MAGI3: variants seen among roughly 807,000 people sequenced by gnomAD.
MAGI3 encodes the protein membrane associated guanylate kinase, WW and PDZ domain containing 3.
Under a neutral mutation model 121.8 loss-of-function variants are expected in MAGI3, and 43 were observed. The observed-to-expected ratio is 0.35, with a 90% CI of 0.28 to 0.46. The LOEUF (loss-of-function observed/expected upper bound fraction) is 0.46, where lower values mean the gene tolerates loss of function less well. MAGI3 is among the 20% of genes least tolerant of loss of function. The pLI is 1.00. For missense variants in MAGI3, 1,547 were observed against 1,797.3 expected, an observed-to-expected ratio of 0.86 and a Z score of 2.52; for synonymous variants, 553 against 639.3, an observed-to-expected ratio of 0.86 and a Z score of 2.04.
chr1:113,490,720 G>A (rs1444866855), intron 1 of MAGI3, among the ~76,000 whole-genome samples: 5 of 152,164 alleles, frequency 3.3e-5, no homozygotes, highest in South Asian at 2.1e-4. Context: ...AGCAGGGGTT[G>A]CAATCCTAGT....
chr1:113,452,241 TGTTTAG>T (rs1199682863), intron 1 of MAGI3, among the ~76,000 whole-genome samples: 1 of 152,132 alleles, frequency 6.6e-6, no homozygotes, highest in Non-Finnish European at 1.5e-5. Flanking sequence ...TAAGGTCTTC[TGTTTAG>T]GATTAAGGTT....
chr1:113,520,379 A>G (rs1172871685), intron 1 of MAGI3, among the ~76,000 whole-genome samples: 1 of 152,174 alleles, frequency 6.6e-6, no homozygotes, highest in Non-Finnish European at 1.5e-5. Context: ...GATTCCTGCC[A>G]TGAAGAAGCC....
At chr1:113,682,663 G>A in intron 20 of MAGI3, 3 of 976,752 alleles carry the variant, frequency 3.1e-6, no homozygotes, top group Non-Finnish European at 3.6e-6. Flanking sequence ...ATATGTAATT[G>A]GAAAAAATGA....
chr1:113,476,773 T>C (rs776030163), intron 1 of MAGI3, among the ~76,000 whole-genome samples: 3 of 152,216 alleles, frequency 2.0e-5, no homozygotes, highest in Non-Finnish European at 4.4e-5. Flanking sequence ...GTCCTCGATA[T>C]CCTTGTTAAC....
intron 10 of MAGI3, 101 bp from the exon 11 acceptor site, chr1:113,643,642 C>T (rs1000774401): frequency 1.6e-5 from 16 of 1,031,534 alleles, no homozygotes; most frequent in South Asian, 6.6e-5. Context: ...AATTTACTAG[C>T]GTACTAAAAG....
rs1047090610 is a variant in MAGI3 at position 113,593,562 on chromosome 1, T to C, written c.939-919T>C. ...TGTCTCAAAATAATAATAATAATAA[T>C]AACAATAACTTTAATTTACATTTTA... On this transcript the variant is annotated intron_variant, in intron 5 of 20. Coordinates refer to ENST00000307546, the MANE Select transcript of MAGI3 (RefSeq NM_001142782.2). Among the ~76,000 whole-genome samples, 13 of 152,112 alleles carry C rather than the reference T, an allele frequency of 8.5e-5. No individual in the cohort carries two copies. The South Asian group carries it at 1.5e-3, about 17-fold the overall frequency.
At chr1:113,576,996 T>C (rs1249320031) in intron 2 of MAGI3, 1 of 152,196 alleles carries the variant, frequency 6.6e-6, no homozygotes, top group Non-Finnish European at 1.5e-5. Flanking sequence ...ATTCCATTCA[T>C]ACGAGGTTGC....
At chr1:113,533,333 A>G (rs1161623702) in intron 1 of MAGI3, among the ~76,000 whole-genome samples, 1 of 152,222 alleles carries the variant, frequency 6.6e-6, no homozygotes, top group Non-Finnish European at 1.5e-5. Context: ...TTAACACAAC[A>G]ACAGATAACC....
intron 2 of MAGI3, among the ~76,000 whole-genome samples, chr1:113,554,825 A>G (rs1363183614): frequency 6.6e-6 from 1 of 152,096 alleles, no homozygotes; most frequent in Non-Finnish European, 1.5e-5. Context: ...ATAAAAAACC[A>G]TTGATAAAAA....
At chr1:113,419,381 C>A (rs373966433) in intron 1 of MAGI3, among the ~76,000 whole-genome samples, 1 of 152,064 alleles carries the variant, frequency 6.6e-6, no homozygotes, top group South Asian at 2.1e-4. Context: ...AGGAATGAGG[C>A]CTTTTTATCT....
chr1:113,682,903 G>A lies in MAGI3; in HGVS notation c.3335G>A (p.Trp1112Ter), dbSNP rs1297579780. Residue 1112 changes from tryptophan to a stop codon, truncating the protein, a stop_gained, in exon 21 of 21, where the codon TGG becomes TAG. Transcript: ENST00000307546. LOFTEE classifies it low-confidence loss of function (END_TRUNC). ...GTGLIPDHGD[W>*]DINNPSSSNV... Reference sequence around the variant, plus strand: ...ATTCAAATCACTTTTTTAGGTGATTGGGATATTAATAATCCTTCGTCTTCA... The same window carrying A: ...ATTCAAATCACTTTTTTAGGTGATTAGGATATTAATAATCCTTCGTCTTCA... 1 of 1,567,216 alleles carries A rather than the reference G, an allele frequency of 6.4e-7. No homozygotes were observed. The highest frequency in any genetic ancestry group is 8.6e-7 in the Non-Finnish European group (1 of 1,161,432).
chr1:113,530,908 CCT>C (rs35183156), intron 1 of MAGI3, among the ~76,000 whole-genome samples: 61,775 of 151,666 alleles, frequency 0.41, 13,913 homozygotes, highest in East Asian at 0.82. Flanking sequence ...AGAGCAAGCC[CCT>C]GTCTCAAAAA....
chr1:113,486,337 A>G (rs1295620291), intron 1 of MAGI3, among the ~76,000 whole-genome samples: 1 of 152,198 alleles, frequency 6.6e-6, no homozygotes, highest in Non-Finnish European at 1.5e-5. Context: ...CTACTCATCC[A>G]TGAGCATGGG....
intron 1 of MAGI3, among the ~76,000 whole-genome samples, chr1:113,416,312 A>G (rs1188970569): frequency 2.3e-5 from 3 of 129,528 alleles, no homozygotes; most frequent in African/African-American, 8.9e-5. Flanking sequence ...TTATGTAATT[A>G]ATTATGTAAT....
intron 1 of MAGI3, among the ~76,000 whole-genome samples, chr1:113,526,369 A>AT (rs2101633907): frequency 6.6e-6 from 1 of 152,352 alleles, no homozygotes; most frequent in Admixed American, 6.5e-5. Flanking sequence ...GTATAGACAT[A>AT]TTAATGTAGG....
chr1:113,451,989 GC>G (rs1229257886), intron 1 of MAGI3, among the ~76,000 whole-genome samples: 3 of 151,968 alleles, frequency 2.0e-5, no homozygotes, highest in African/African-American at 7.3e-5. Context: ...GGATTCTGAA[GC>G]ATTCCATTAT....
rs546721488 is a variant in MAGI3, at chr1:113,659,314, A to G, written c.2815+49A>G. ...GCCCCAAGCTGATCTGAGAGGCACA[A>G]AGCCTGTGTGAGGCAGTGGCCTCCT... is the stretch of plus-strand genomic sequence containing the variant. On this transcript the variant is annotated intron_variant, in intron 16 of 20. Coordinates refer to ENST00000307546, the MANE Select transcript of MAGI3 (RefSeq NM_001142782.2). The G allele has an allele frequency of 3.8e-6, 6 of 1,587,626 alleles. No homozygotes were observed. In the Admixed American group the frequency reaches 5.5e-5, roughly 14 times the overall value.
chr1:113,573,138 G>T (rs1301933548), intron 2 of MAGI3, among the ~76,000 whole-genome samples: 4 of 151,558 alleles, frequency 2.6e-5, no homozygotes, highest in Non-Finnish European at 4.4e-5. Flanking sequence ...TTTTAGCCAG[G>T]ATGGTCTCGA....
At chr1:113,513,483 A>G (rs1657723614) in intron 1 of MAGI3, among the ~76,000 whole-genome samples, 1 of 152,202 alleles carries the variant, frequency 6.6e-6, no homozygotes, top group Admixed American at 6.5e-5. Flanking sequence ...CCTATCTACA[A>G]CTATCTGATC....
Sources: allele counts gnomAD v4.1 joint callset (sites outside exome capture counted in the v4.1 genomes callset), GRCh38; gene constraint gnomAD v4.1.1; transcripts MANE v1.5; gene names NCBI Gene and HGNC (gene_info 2026-07-23, HGNC 2026-07-21).